CACNA2D3: variants seen among roughly 807,000 people sequenced by gnomAD.
CACNA2D3 encodes voltage-dependent calcium channel subunit alpha-2/delta-3.
In CACNA2D3, 60 loss-of-function variants were observed where a neutral mutation model predicts 160.6. The ratio of observed to expected loss-of-function variants is 0.37; its 90% CI spans 0.30 to 0.46. The LOEUF is 0.46. Ranked by LOEUF, CACNA2D3 falls within the 20% of genes least tolerant of loss-of-function variation. The pLI is 1.00. For synonymous variants in CACNA2D3, 558 were observed against 492.9 expected (o/e 1.13, Z -1.75); for missense variants, 1,205 against 1,365.0 (o/e 0.88, Z 1.85).
intron 34 of CACNA2D3, among the ~76,000 whole-genome samples, chr3:55,014,964 G>A (rs1189652494): frequency 6.6e-6 from 1 of 152,170 alleles, no homozygotes; most frequent in Non-Finnish European, 1.5e-5. Flanking sequence ...CAATAGTCGT[G>A]CTGCAAATAG....
intron 18 of CACNA2D3, among the ~76,000 whole-genome samples, chr3:54,877,813 G>A (rs1257648165): frequency 2.0e-5 from 3 of 152,046 alleles, no homozygotes; most frequent in Non-Finnish European, 4.4e-5. Context: ...GAGAGGAGAA[G>A]GTCCCAAATG....
At chr3:54,774,455 C>G (rs1354977261) in intron 13 of CACNA2D3, among the ~76,000 whole-genome samples, 1 of 151,810 alleles carries the variant, frequency 6.6e-6, no homozygotes, top group African/African-American at 2.4e-5. Context: ...TGAGCACTCA[C>G]TCACTCTCAG....
chr3:54,439,555 C>T (rs532475124), intron 4 of CACNA2D3, among the ~76,000 whole-genome samples: 1 of 152,246 alleles, frequency 6.6e-6, no homozygotes, highest in South Asian at 2.1e-4. Context: ...CTTTTTGAGG[C>T]CAGTGCTGGC....
intron 3 of CACNA2D3, among the ~76,000 whole-genome samples, chr3:54,330,428 C>G (rs909509297): frequency 1.3e-5 from 2 of 152,090 alleles, no homozygotes; most frequent in East Asian, 3.9e-4. Flanking sequence ...TCCAGGGTCA[C>G]GGTTGGAGTT....
At chr3:54,714,238 C>T (rs1418798343) in intron 11 of CACNA2D3, among the ~76,000 whole-genome samples, 1 of 151,994 alleles carries the variant, frequency 6.6e-6, no homozygotes, top group Non-Finnish European at 1.5e-5. Context: ...TTGCAGGCAG[C>T]CTGTATTCAT....
At chr3:54,886,219 C>CT (rs1189624073) in intron 23 of CACNA2D3, among the ~76,000 whole-genome samples, 3 of 152,158 alleles carry the variant, frequency 2.0e-5, no homozygotes, top group Non-Finnish European at 4.4e-5. Context: ...GCCCCCACCT[C>CT]TAACAAGCAT....
chr3:54,387,368 C>G (rs1699205422), intron 4 of CACNA2D3, among the ~76,000 whole-genome samples: 1 of 152,186 alleles, frequency 6.6e-6, no homozygotes, highest in East Asian at 1.9e-4. Context: ...CTTGGAGGTT[C>G]CAGCTGGGTG....
At chr3:54,180,376 G>A (rs950525407) in intron 2 of CACNA2D3, among the ~76,000 whole-genome samples, 18 of 152,188 alleles carry the variant, frequency 1.2e-4, no homozygotes, top group African/African-American at 2.9e-4. Context: ...GAAGTCAGAC[G>A]TAGAGTGGGC....
intron 23 of CACNA2D3, among the ~76,000 whole-genome samples, chr3:54,886,017 A>G (rs1699916186): frequency 6.6e-6 from 1 of 152,216 alleles, no homozygotes; most frequent in African/African-American, 2.4e-5. Flanking sequence ...GTAGCCTCTC[A>G]GTGTGGTACA....
At chr3:54,418,206 A>G (rs1031619988) in intron 4 of CACNA2D3, among the ~76,000 whole-genome samples, 1 of 152,194 alleles carries the variant, frequency 6.6e-6, no homozygotes, top group African/African-American at 2.4e-5. Flanking sequence ...GAAGATATTA[A>G]TACTCAGAAC....
chr3:54,372,997 C>G (rs1698952233), intron 3 of CACNA2D3, among the ~76,000 whole-genome samples: 1 of 152,208 alleles, frequency 6.6e-6, no homozygotes, highest in African/African-American at 2.4e-5. Context: ...CCCCCTGGGA[C>G]TCAGAAGTTC....
At chr3:54,242,592 CA>C (rs1328808566) in intron 2 of CACNA2D3, among the ~76,000 whole-genome samples, 1 of 152,202 alleles carries the variant, frequency 6.6e-6, no homozygotes, top group African/African-American at 2.4e-5. Context: ...CCTCAACAGT[CA>C]ATCTGCTCGC....
chr3:54,233,752 A>G (rs1214617305), intron 2 of CACNA2D3, among the ~76,000 whole-genome samples: 2 of 152,214 alleles, frequency 1.3e-5, no homozygotes, highest in Non-Finnish European at 2.9e-5. Flanking sequence ...GTCGAAGAGA[A>G]GTTGGGGATC....
chr3:54,123,459 G>C, intron 1 of CACNA2D3, 54 bp from the exon 2 acceptor site: 2 of 1,195,254 alleles, frequency 1.7e-6, no homozygotes, highest in South Asian at 1.2e-5. Flanking sequence ...GTGTGCGTGC[G>C]TGTTGACTGT....
At chr3:54,778,045 C>A (rs1702456577) in intron 13 of CACNA2D3, among the ~76,000 whole-genome samples, 1 of 152,200 alleles carries the variant, frequency 6.6e-6, no homozygotes. Flanking sequence ...CATTTGAAGA[C>A]CTTGATGACC....
At chr3:54,123,182 C>G (rs1437394368) in intron 1 of CACNA2D3, among the ~76,000 whole-genome samples, 2 of 151,770 alleles carry the variant, frequency 1.3e-5, no homozygotes, top group Non-Finnish European at 2.9e-5. Flanking sequence ...GGGTGGATTT[C>G]TTCTGACTGC....
At chr3:54,734,807 A>G (rs1701464242) in intron 11 of CACNA2D3, among the ~76,000 whole-genome samples, 2 of 152,238 alleles carry the variant, frequency 1.3e-5, no homozygotes, top group South Asian at 4.1e-4. Context: ...ACTCTGGGCT[A>G]TTACATAACA....
At chr3:54,775,582 T>C (rs562725944) in intron 13 of CACNA2D3, among the ~76,000 whole-genome samples, 95 of 152,340 alleles carry the variant, frequency 6.2e-4, no homozygotes, top group Middle Eastern at 6.8e-3. Context: ...TTGTACCCTT[T>C]AGTTTACAAC....
At position 54,849,840 on chromosome 3, in the gene CACNA2D3, G is replaced by A. The variant is rs543424429; in HGVS notation, c.1626+3373G>A. On this transcript the variant is annotated intron_variant, in intron 17 of 37. Transcript: ENST00000474759. ...CTCCATCTGCCATGGACTTTGTTTC[G>A]GCCCCTACAGCCAGAGGAAAGAGGT... Among the ~76,000 whole-genome samples, 10 of 152,228 alleles carry A rather than the reference G, an allele frequency of 6.6e-5. No individual in the cohort carries two copies. The South Asian group carries it at 1.2e-3, about 19-fold the overall frequency.
Sources: gnomAD v4.1 joint callset for allele counts (sites outside exome capture counted in the v4.1 genomes callset) on GRCh38, gnomAD v4.1.1 for gene constraint, MANE v1.5 for transcripts, NCBI Gene and HGNC (gene_info 2026-07-23, HGNC 2026-07-21) for gene names.